CDHR2: variants seen among roughly 807,000 people sequenced by gnomAD.
CDHR2 encodes the protein cadherin related family member 2, also known as cadherin-related family member 2.
A neutral mutation model predicts 138.6 loss-of-function variants in CDHR2; 104 were observed. That is an observed-to-expected ratio of 0.75 (90% CI 0.64 to 0.88). The LOEUF is 0.88. Among genes scored for constraint, CDHR2 ranks in the 40% least tolerant of loss-of-function variants. CDHR2 has a pLI of 0.00. For synonymous variants in CDHR2, 755 were observed against 742.8 expected, an observed-to-expected ratio of 1.02 and a Z score of -0.27; for missense variants, 1,624 against 1,727.6, an observed-to-expected ratio of 0.94 and a Z score of 1.06.
Position 176,581,340 on chromosome 5 carries a change from C to G in CDHR2, c.1819-3C>G. The G allele has an allele frequency of 6.2e-7, 1 of 1,612,768 alleles. No homozygotes were observed. The highest frequency in any genetic ancestry group is 8.5e-7 in the Non-Finnish European group (1 of 1,180,006). On this transcript the variant is annotated splice_region_variant and splice_polypyrimidine_tract_variant and intron_variant, in intron 16 of 31. Transcript: ENST00000261944. ...GATGACCAACCCCTGCTTACGTGCACAGGCCCACGACAATGATGAGCCGGG... is the reference window on the plus strand; with the variant it reads ...GATGACCAACCCCTGCTTACGTGCAGAGGCCCACGACAATGATGAGCCGGG...
chr5:176,590,488 G>T lies in CDHR2; in HGVS notation c.3414+3G>T, dbSNP rs769218758. ...TGCAGCTGGGGCTGGTGGTGCTGGT[G>T]AGTGCGGGCAGGGCGGGGCAGCAGG... On this transcript the variant is annotated splice_donor_region_variant and intron_variant, in intron 27 of 31. Coordinates refer to ENST00000261944, the MANE Select transcript of CDHR2 (RefSeq NM_017675.6). 1.9e-6 allele frequency: 3 copies of T among 1,613,800 alleles called. No homozygotes were observed. In the South Asian group the frequency reaches 3.3e-5, roughly 18 times the overall value.
At chr5:176,546,845 C>T (rs562679116), upstream of CDHR2, among the ~76,000 whole-genome samples, 8 of 151,650 alleles carry the variant, frequency 5.3e-5, no homozygotes, top group South Asian at 2.1e-4. Context: ...ATAGTCGCAT[C>T]GAGCGCTACC....
At chr5:176,559,035 C>T (rs898284892) in intron 1 of CDHR2, among the ~76,000 whole-genome samples, 7 of 152,210 alleles carry the variant, frequency 4.6e-5, no homozygotes, top group African/African-American at 7.2e-5. Flanking sequence ...TCTCCCTCAA[C>T]GCACAGGCCT....
In CDHR2 at chr5:176,578,516, C is replaced by G. The variant is rs114481367; in HGVS notation, c.1726C>G (p.Leu576Val). 10 of 1,614,190 alleles carry G rather than the reference C, an allele frequency of 6.2e-6. No homozygotes were observed. Among genetic ancestry groups the G allele is most frequent in the African/African-American group, 1.3e-5 (1 of 75,048 alleles). ...CTCCTCCACCACACTGCAGATCCACCTGCTGGACATCAACGACAATGCACC... is the reference window on the plus strand; with the variant it reads ...CTCCTCCACCACACTGCAGATCCACGTGCTGGACATCAACGACAATGCACC... ...LSSSTTLQIH[L>V]LDINDNAPVV... The change falls in exon 16 of 32, where the codon CTG becomes GTG. Residue 576 changes from leucine (L) to valine (V), a missense_variant. Leu to Val is a conservative substitution (Grantham distance 32, BLOSUM62 1). This residue lies in a region of CDHR2 where 1,061 missense variants were observed against 1,136.6 expected (regional missense o/e 0.93). Transcript: ENST00000261944.
chr5:176,564,635 T>C (rs1193381639), intron 1 of CDHR2, among the ~76,000 whole-genome samples: 1 of 152,142 alleles, frequency 6.6e-6, no homozygotes, highest in African/African-American at 2.4e-5. Flanking sequence ...TTCTAAGGTC[T>C]CTGTCTGGCT....
rs1465443754 is a variant in CDHR2, at chr5:176,591,502, C to G, written c.3734+18C>G. The G allele has an allele frequency of 1.9e-6, 3 of 1,590,804 alleles. No homozygotes were observed. In the South Asian group the frequency reaches 3.3e-5, roughly 18 times the overall value. On this transcript the variant is annotated intron_variant, in intron 30 of 31. Coordinates refer to ENST00000261944, the MANE Select transcript of CDHR2 (RefSeq NM_017675.6). ...TCTGTCAGGTGAGCAGTGCCCCTCA[C>G]AGCCAGGCTAGGTGGTGGTGGTGGT...
chr5:176,578,534 A>G lies in CDHR2; in HGVS notation c.1744A>G (p.Asn582Asp), dbSNP rs1758456556. 6.2e-7 allele frequency: 1 copy of G among 1,614,122 alleles called. No individual in the cohort carries two copies. Among genetic ancestry groups the G allele is most frequent in the Non-Finnish European group, 8.5e-7 (1 of 1,180,032 alleles). Residue 582 changes from asparagine (N) to aspartate (D), a missense_variant, in exon 16 of 32, where the codon AAT becomes GAT. Around this residue, in one of 3 missense-constraint regions of CDHR2, gnomAD observed 1,061 missense variants for 1,136.6 expected, o/e 0.93. Transcript: ENST00000261944. Reference sequence around the variant, plus strand: ...GATCCACCTGCTGGACATCAACGACAATGCACCCGTGGTTAGCGGCTCCTA... The same window carrying G: ...GATCCACCTGCTGGACATCAACGACGATGCACCCGTGGTTAGCGGCTCCTA... Reference protein sequence around the residue: ...LQIHLLDINDNAPVVSGSYNI... With the variant: ...LQIHLLDINDDAPVVSGSYNI...
rs376213561 is a variant in CDHR2, at chr5:176,571,299, C to T, written c.402C>T (p.Asn134=). The change falls in exon 6 of 32, where the codon AAC becomes AAT. Residue 134 remains asparagine (N), a synonymous_variant. Transcript: ENST00000261944. ...FQNTAFSTSI[N]ETLPVGSVVF... ...ACACCGCTTTCTCCACCAGCATCAA[C>T]GAGGTGACACCTGCCTTAATGTGGT... 3.1e-5 allele frequency: 49 copies of T among 1,604,518 alleles called. No homozygotes were observed. Among genetic ancestry groups the T allele is most frequent in the South Asian group, 2.4e-4 (22 of 90,132 alleles).
chr5:176,592,225 T>C (rs1490674960), intron 30 of CDHR2, among the ~76,000 whole-genome samples: 1 of 145,996 alleles, frequency 6.8e-6, no homozygotes, highest in Non-Finnish European at 1.5e-5. Flanking sequence ...GTGATGATGG[T>C]GATGATGACA....
chr5:176,580,038 G>T (rs953557090), intron 16 of CDHR2, among the ~76,000 whole-genome samples: 1 of 152,126 alleles, frequency 6.6e-6, no homozygotes, highest in African/African-American at 2.4e-5. Context: ...AGAGGAACCC[G>T]CTGTGTTATC....
upstream of CDHR2, among the ~76,000 whole-genome samples, chr5:176,546,194 G>A (rs769545663): frequency 1.3e-5 from 2 of 152,134 alleles, no homozygotes; most frequent in African/African-American, 2.4e-5. Flanking sequence ...GGAATCTGAC[G>A]GCTGTGGCAG....
rs372780740 is a variant in CDHR2, at chr5:176,581,320, C to T, written c.1819-23C>T. 21 of 1,610,070 alleles carry T rather than the reference C, an allele frequency of 1.3e-5. No individual in the cohort carries two copies. The African/African-American group carries it at 2.0e-4, about 15-fold the overall frequency. On this transcript the variant is annotated intron_variant, in intron 16 of 31. Transcript: ENST00000261944. ...GGCTGGGAATGCCGATGGCCGATGA[C>T]CAACCCCTGCTTACGTGCACAGGCC...
chr5:176,546,708 G>T (rs1220508377), upstream of CDHR2, among the ~76,000 whole-genome samples: 1 of 145,216 alleles, frequency 6.9e-6, no homozygotes. Context: ...GTCACCTGAG[G>T]TCAGGAGTTT....
intron 21 of CDHR2, among the ~76,000 whole-genome samples, chr5:176,588,464 AGT>A (rs879530604): frequency 1.6e-5 from 2 of 126,112 alleles, no homozygotes; most frequent in Non-Finnish European, 3.3e-5. Flanking sequence ...AGGGTGTGTG[AGT>A]GTATGTGAGT....
At chr5:176,574,767 C>T (rs546516348) in intron 7 of CDHR2, among the ~76,000 whole-genome samples, 25 of 152,334 alleles carry the variant, frequency 1.6e-4, no homozygotes, top group Admixed American at 1.1e-3. Context: ...AAAGTTTGTA[C>T]ACCTTCAGTA....
intron 1 of CDHR2, among the ~76,000 whole-genome samples, chr5:176,550,210 C>T (rs900847832): frequency 2.6e-5 from 4 of 152,220 alleles, no homozygotes; most frequent in Non-Finnish European, 5.9e-5. Flanking sequence ...GATTTTTATC[C>T]TCACTCTGCT....
In CDHR2 at chr5:176,543,074, G is replaced by C. The variant is rs1184127286; in HGVS notation, c.-16+305G>C. ...GGGGCGTTTGGACCTAGCGGACGGG[G>C]AGAAGAGCGGCGCAGCTCCCGCTGC... On this transcript the variant is annotated intron_variant, in intron 1 of 31. Transcript: ENST00000510636. This position sits in a 1 kb window ranked among gnomAD's most constrained non-coding sequence, Gnocchi z 4.0. Among the ~76,000 whole-genome samples the C allele has an allele frequency of 6.6e-6, 1 of 151,814 alleles. No individual in the cohort carries two copies. The highest frequency in any genetic ancestry group is 1.5e-5 in the Non-Finnish European group (1 of 67,858).
In CDHR2 at chr5:176,574,158, T is replaced by A. The variant is rs1389120625; in HGVS notation, c.481T>A (p.Tyr161Asn). Residue 161 changes from tyrosine (Y) to asparagine (N), a missense_variant, in exon 7 of 32, where the codon TAC becomes AAC. This residue lies in a region of CDHR2 where 1,061 missense variants were observed against 1,136.6 expected (regional missense o/e 0.93). Coordinates refer to ENST00000261944, the MANE Select transcript of CDHR2 (RefSeq NM_017675.6). ...KDMGSAGMVV[Y>N]SIEKVIPSTG... The stretch of plus-strand genomic sequence containing the variant: ...CATGGGGTCTGCAGGCATGGTCGTG[T>A]ACTCCATAGAGAAGGTGAGTGTGAA... 3.7e-6 allele frequency: 6 copies of A among 1,613,482 alleles called. No homozygotes were observed. In the Admixed American group the frequency reaches 6.7e-5, roughly 18 times the overall value.
chr5:176,584,260 G>A lies in CDHR2; in HGVS notation c.2128+1G>A. ...TTTACGGTGAAGGAGGAGGATCCAGGTATGTGCTCCCTGGGCCAGGAGAGA... is the reference window on the plus strand; with the variant it reads ...TTTACGGTGAAGGAGGAGGATCCAGATATGTGCTCCCTGGGCCAGGAGAGA... On this transcript the variant is annotated splice_donor_variant, in intron 18 of 31. Transcript: ENST00000261944. LOFTEE classifies it high-confidence loss of function. 1 of 1,613,960 alleles carries A rather than the reference G, an allele frequency of 6.2e-7. No homozygotes were observed. Among genetic ancestry groups the A allele is most frequent in the Non-Finnish European group, 8.5e-7 (1 of 1,179,826 alleles).
Sources: allele counts gnomAD v4.1 joint callset (sites outside exome capture counted in the v4.1 genomes callset), GRCh38; gene constraint gnomAD v4.1.1; regional missense constraint gnomAD v4.1.1; non-coding constraint Gnocchi (gnomAD v3.1); transcripts MANE v1.5; gene names NCBI Gene and HGNC (gene_info 2026-07-23, HGNC 2026-07-21).